Variants in KCNAB2 observed in about 807,000 individuals in gnomAD.
KCNAB2 encodes the protein potassium voltage-gated channel subfamily A regulatory beta subunit 2, also known as voltage-gated potassium channel subunit beta-2.
In KCNAB2, 29 loss-of-function variants were observed where a neutral mutation model predicts 63.6. That is an observed-to-expected ratio of 0.46 (90% CI 0.34 to 0.62). The LOEUF (loss-of-function observed/expected upper bound fraction) is 0.62. Ranked by LOEUF, KCNAB2 falls within the 20% of genes least tolerant of loss-of-function variation. The pLI, the probability that KCNAB2 is intolerant of heterozygous loss-of-function variation, is 0.01. For synonymous variants in KCNAB2, 222 were observed against 224.2 expected, an observed-to-expected ratio of 0.99 and a Z score of 0.09; for missense variants, 359 against 563.9, an observed-to-expected ratio of 0.64 and a Z score of 3.68.
chr1:6,043,598 G>A (rs987503196), upstream of KCNAB2, among the ~76,000 whole-genome samples: 7 of 152,300 alleles, frequency 4.6e-5, no homozygotes, highest in Non-Finnish European at 7.4e-5. Context: ...CTCTGGAGAT[G>A]ACCTCTAAGG....
At chr1:6,054,705 T>C (rs895084140) in intron 2 of KCNAB2, among the ~76,000 whole-genome samples, 4 of 152,286 alleles carry the variant, frequency 2.6e-5, no homozygotes, top group East Asian at 1.9e-4. Flanking sequence ...GTACATCTTA[T>C]GTAAATGAAG....
upstream of KCNAB2, chr1:6,041,788 T>A (rs1214458760): frequency 6.4e-7 from 1 of 1,571,304 alleles, no homozygotes; most frequent in South Asian, 1.1e-5. Context: ...CTCTCTCTTC[T>A]CTCCCTTTCT....
In KCNAB2 at chr1:6,078,085, G is replaced by A. The variant is rs756235590; in HGVS notation, c.301-4110G>A. Among the ~76,000 whole-genome samples, 4 of 151,762 alleles carry A rather than the reference G, an allele frequency of 2.6e-5. No individual in the cohort carries two copies. Among genetic ancestry groups the A allele is most frequent in the South Asian group, 2.2e-4 (1 of 4,506 alleles). On this transcript the variant is annotated intron_variant, in intron 4 of 15. Coordinates refer to ENST00000378083, the MANE Select transcript of KCNAB2 (RefSeq NM_001199862.2). The surrounding 1 kb of genome is among the most constrained non-coding windows in gnomAD (Gnocchi z 4.2). ...CCCGGCCTAAGTCCAGGAGTCAGCC[G>A]GGCCGGGCTCCCTTCTCCAGGCCAG...
chr1:6,031,810 G>A (rs1037312855), upstream of KCNAB2, among the ~76,000 whole-genome samples: 1 of 151,944 alleles, frequency 6.6e-6, no homozygotes, highest in Non-Finnish European at 1.5e-5. This position sits in a 1 kb window ranked among gnomAD's most constrained non-coding sequence, Gnocchi z 4.1. Flanking sequence ...GATCCCTTGA[G>A]CCCCATAGGT....
chr1:6,051,708 C>G lies in KCNAB2; in HGVS notation c.172C>G (p.Leu58Val). Residue 58 changes from leucine to valine, a missense_variant, in exon 2 of 16, where the codon CTT (leucine) becomes GTT (valine). By Grantham distance (32) the Leu-to-Val change is conservative. Coordinates refer to ENST00000378083, the MANE Select transcript of KCNAB2 (RefSeq NM_001199862.2). ...GGAGAGCTTCCTCCGCATGCACGGC[C>G]TTTCCCTGGACGGCTGCACCGCCCA... ...NMESFLRMHGLSLDGCTAQRT... is the reference protein window; with the variant it reads ...NMESFLRMHGVSLDGCTAQRT... 1 of 1,533,726 alleles carries G rather than the reference C, an allele frequency of 6.5e-7. No homozygotes were observed. The highest frequency in any genetic ancestry group is 8.7e-7 in the Non-Finnish European group (1 of 1,146,670).
At chr1:6,085,964 C>T (rs948290724) in intron 6 of KCNAB2, 24 of 985,306 alleles carry the variant, frequency 2.4e-5, no homozygotes, top group Non-Finnish European at 2.5e-5. Flanking sequence ...GGTCGCAGAT[C>T]GGGGGCCATC....
chr1:6,041,691 G>C, upstream of KCNAB2: 2 of 708,230 alleles, frequency 2.8e-6, no homozygotes, highest in Non-Finnish European at 5.0e-6. Context: ...ACTGCCCTGA[G>C]CAGGCGACTG....
In KCNAB2 at chr1:6,039,541, C is replaced by T. The variant is rs3761922; in HGVS notation, c.-52-976C>T. Among the ~76,000 whole-genome samples the T allele has an allele frequency of 1.5e-3, 227 of 152,310 alleles. 5 individuals carry two copies. In the East Asian group the frequency reaches 0.042, roughly 28 times the overall value. On this transcript the variant is annotated intron_variant, in intron 1 of 15. Coordinates refer to the KCNAB2 transcript ENST00000164247. ...CTCATTATCAATGCTGCTGTAACAG[C>T]TCATCACAAACCCTGCAGCTTCCAA...
chr1:6,098,084 A>G, intron 15 of KCNAB2: 1 of 860,690 alleles, frequency 1.2e-6, no homozygotes, highest in Non-Finnish European at 1.4e-6. Context: ...GGGGGTGAGA[A>G]GGCGAGGTGG....
intron 1 of KCNAB2, among the ~76,000 whole-genome samples, chr1:6,012,710 G>T (rs1658257972): frequency 1.3e-5 from 2 of 151,742 alleles, no homozygotes; most frequent in Admixed American, 1.3e-4. Flanking sequence ...TGAAGGTGGA[G>T]AGGGTAGAGG....
Position 6,082,243 on chromosome 1 carries a change from T to A in KCNAB2, c.349T>A (p.Phe117Ile). The change falls in exon 5 of 16, where the codon TTC becomes ATC. Residue 117 changes from phenylalanine (F) to isoleucine (I), a missense_variant. By Grantham distance (21) the Phe-to-Ile change is conservative. This residue lies in a region of KCNAB2 where 271 missense variants were observed against 476.1 expected (regional missense o/e 0.57). Transcript: ENST00000378083. ...TLAYDNGINL[F>I]DTAEVYAAGK... ...GGCCTATGATAATGGCATCAACCTC[T>A]TCGATACAGCAGAAGTCTACGCAGC... 6.2e-7 allele frequency: 1 copy of A among 1,613,856 alleles called. No homozygotes were observed. The highest frequency in any genetic ancestry group is 8.5e-7 in the Non-Finnish European group (1 of 1,179,816).
At chr1:6,013,895 G>T (rs571854326) in intron 1 of KCNAB2, among the ~76,000 whole-genome samples, 16 of 152,206 alleles carry the variant, frequency 1.1e-4, no homozygotes, top group Non-Finnish European at 2.4e-4. Flanking sequence ...GGCTGTTCCC[G>T]TATTTGTCTC....
At chr1:6,077,872 A>G (rs1274567543) in intron 4 of KCNAB2, among the ~76,000 whole-genome samples, 1 of 152,198 alleles carries the variant, frequency 6.6e-6, no homozygotes, top group Non-Finnish European at 1.5e-5. Context: ...CCAGTGGTCG[A>G]ACAGCATGCT....
chr1:6,030,483 G>A (rs1025341267), upstream of KCNAB2, among the ~76,000 whole-genome samples: 2 of 151,848 alleles, frequency 1.3e-5, no homozygotes, highest in African/African-American at 4.8e-5. Flanking sequence ...GCATATGTAC[G>A]TGTGTCTGTG....
intron 1 of KCNAB2, among the ~76,000 whole-genome samples, chr1:5,993,452 A>G (rs1248360105): frequency 2.0e-5 from 3 of 151,316 alleles, no homozygotes; most frequent in Non-Finnish European, 2.9e-5. Context: ...CTGAGCCCCT[A>G]CTCCTATCTT....
At chr1:6,091,384 G>C in intron 10 of KCNAB2, 77 bp downstream of exon 10, 2 of 1,089,536 alleles carry the variant, frequency 1.8e-6, no homozygotes, top group Non-Finnish European at 2.7e-6. Flanking sequence ...TTATTTACAT[G>C]ATTCTTTTAC....
At chr1:6,048,345 C>T (rs1661106284) in intron 1 of KCNAB2, among the ~76,000 whole-genome samples, 1 of 152,188 alleles carries the variant, frequency 6.6e-6, no homozygotes, top group Non-Finnish European at 1.5e-5. Context: ...GCTGCGTCAC[C>T]AACTCCCACC....
intron 1 of KCNAB2, among the ~76,000 whole-genome samples, chr1:6,014,766 C>T (rs1185974938): frequency 1.3e-5 from 2 of 152,206 alleles, no homozygotes; most frequent in South Asian, 2.1e-4. Flanking sequence ...CTCCTCCTCC[C>T]GTCACCCTCG....
At position 6,073,302 on chromosome 1, in the gene KCNAB2, GC is replaced by G. The variant is rs936146863; in HGVS notation, c.263-425del. On this transcript the variant is annotated intron_variant, in intron 3 of 15. Transcript: ENST00000378083. This position sits in a 1 kb window ranked among gnomAD's most constrained non-coding sequence, Gnocchi z 5.7. ...CCGCCCACTGCAGTACACACACCCCGCCCCCCACCAGCACCCACTGCCCTGA... is the reference window on the plus strand; with the variant it reads ...CCGCCCACTGCAGTACACACACCCCGCCCCCACCAGCACCCACTGCCCTGA... Among the ~76,000 whole-genome samples the G allele has an allele frequency of 1.6e-4, 24 of 146,418 alleles. No homozygotes were observed. Among genetic ancestry groups the G allele is most frequent in the African/African-American group, 5.7e-4 (22 of 38,922 alleles).
Sources: gnomAD v4.1 joint callset for allele counts (sites outside exome capture counted in the v4.1 genomes callset) on GRCh38, gnomAD v4.1.1 for gene constraint, gnomAD v4.1.1 regional missense constraint, Gnocchi (gnomAD v3.1) non-coding constraint, MANE v1.5 for transcripts, NCBI Gene and HGNC (gene_info 2026-07-23, HGNC 2026-07-21) for gene names.